The following PRELID2 variants were observed in gnomAD, a reference collection of about 807,000 sequenced individuals.
The protein encoded by PRELID2 is PRELI domain containing 2.
Under a neutral mutation model 28.4 loss-of-function variants are expected in PRELID2, and 25 were observed. That is an observed-to-expected ratio of 0.88 (90% CI 0.64 to 1.23). PRELID2 has a LOEUF of 1.23. PRELID2 is among the 50% of genes most tolerant of loss of function. The pLI, the probability that PRELID2 is intolerant of heterozygous loss-of-function variation, is 0.00. For missense variants in PRELID2, 201 were observed against 214.4 expected (o/e 0.94, Z 0.39); for synonymous variants, 76 against 71.6 (o/e 1.06, Z -0.31).
At position 145,607,645 on chromosome 5, in the gene PRELID2, G is replaced by C. The variant is rs550922563; in HGVS notation, n.71-134330C>G. ...TTTGGGGTTTTTTGATTTTGCTGAG[G>C]GTTGTTTTATGGCTGATTGTGTGAT... On this transcript the variant is annotated intron_variant and non_coding_transcript_variant, in intron 1 of 2. Coordinates refer to the PRELID2 transcript ENST00000510259. Among the ~76,000 whole-genome samples, 4 of 152,104 alleles carry C rather than the reference G, an allele frequency of 2.6e-5. No individual in the cohort carries two copies. The South Asian group carries it at 6.2e-4, about 24-fold the overall frequency.
intron 1 of PRELID2, among the ~76,000 whole-genome samples, chr5:145,552,183 C>T (rs928110315): frequency 5.9e-5 from 9 of 152,178 alleles, no homozygotes; most frequent in African/African-American, 1.9e-4. Context: ...CTCCGGATCA[C>T]ACATTTTCCC....
chr5:145,817,801 G>A (rs1027668234), intron 4 of PRELID2, 93 bp downstream of exon 4: 3 of 1,025,750 alleles, frequency 2.9e-6, no homozygotes, highest in Non-Finnish European at 4.0e-6. Context: ...TATAAACAGT[G>A]GTCATAAGTA....
intron 1 of PRELID2, among the ~76,000 whole-genome samples, chr5:145,740,885 C>T (rs150759298): frequency 0.84 from 74,329 of 88,140 alleles, 32,251 homozygotes; most frequent in East Asian, 0.97. Context: ...TATATATGTA[C>T]ATATATTTAT....
the PRELID2 span, among the ~76,000 whole-genome samples, chr5:145,415,265 T>G: frequency 3.3e-5 from 5 of 152,058 alleles, no homozygotes; most frequent in Admixed American, 1.3e-4. Context: ...GTTTTTTATT[T>G]TATTTTCTTT....
intron 1 of PRELID2, among the ~76,000 whole-genome samples, chr5:145,690,869 A>G (rs548968159): frequency 1.3e-5 from 2 of 152,316 alleles, no homozygotes; most frequent in Non-Finnish European, 2.9e-5. Context: ...CGCAATAGGA[A>G]ATAACAATAT....
chr5:145,670,691 T>A (rs1754688203), intron 1 of PRELID2, among the ~76,000 whole-genome samples: 1 of 152,146 alleles, frequency 6.6e-6, no homozygotes, highest in African/African-American at 2.4e-5. Flanking sequence ...ATTCACATCT[T>A]GACCCCAACC....
chr5:145,327,132 A>G, the PRELID2 span, among the ~76,000 whole-genome samples: 1 of 152,224 alleles, frequency 6.6e-6, no homozygotes, highest in African/African-American at 2.4e-5. Context: ...CTTCAGGTCT[A>G]TTTGGTCTAT....
the PRELID2 span, among the ~76,000 whole-genome samples, chr5:145,414,848 T>C: frequency 6.6e-6 from 1 of 152,186 alleles, no homozygotes; most frequent in Non-Finnish European, 1.5e-5. Context: ...ATGATTTCAT[T>C]TGAATATGTC....
the PRELID2 span, among the ~76,000 whole-genome samples, chr5:145,411,746 C>G: frequency 6.6e-6 from 1 of 152,208 alleles, no homozygotes; most frequent in African/African-American, 2.4e-5. Context: ...CTGTAGTGCA[C>G]TAGAGGAGGT....
intron 1 of PRELID2, among the ~76,000 whole-genome samples, chr5:145,699,642 G>C (rs574593478): frequency 6.6e-6 from 1 of 152,122 alleles, no homozygotes; most frequent in East Asian, 1.9e-4. Flanking sequence ...ATTTTTAAAA[G>C]AAACTGATTT....
the PRELID2 span, among the ~76,000 whole-genome samples, chr5:145,332,666 TC>T: frequency 6.6e-6 from 1 of 152,056 alleles, no homozygotes; most frequent in Non-Finnish European, 1.5e-5. Flanking sequence ...TAGCAATTCT[TC>T]TAACCTTTTT....
At chr5:145,594,235 G>C (rs1753270996) in intron 1 of PRELID2, among the ~76,000 whole-genome samples, 1 of 151,994 alleles carries the variant, frequency 6.6e-6, no homozygotes, top group Non-Finnish European at 1.5e-5. Flanking sequence ...CAAAACATTT[G>C]TGTAATAGAA....
At chr5:145,501,359 G>A (rs980177560) in intron 1 of PRELID2, among the ~76,000 whole-genome samples, 1 of 152,096 alleles carries the variant, frequency 6.6e-6, no homozygotes, top group Non-Finnish European at 1.5e-5. Flanking sequence ...AACTTTTACT[G>A]TGTATCAAAA....
chr5:145,354,362 A>AT, the PRELID2 span, among the ~76,000 whole-genome samples: 1 of 152,048 alleles, frequency 6.6e-6, no homozygotes, highest in Non-Finnish European at 1.5e-5. Flanking sequence ...GTGGTGTACG[A>AT]TTTTTTTATT....
chr5:145,704,984 C>T (rs1755506390), intron 1 of PRELID2, among the ~76,000 whole-genome samples: 1 of 152,090 alleles, frequency 6.6e-6, no homozygotes, highest in South Asian at 2.1e-4. Flanking sequence ...AGGGCAAATC[C>T]CCTATTTTTA....
the PRELID2 span, among the ~76,000 whole-genome samples, chr5:145,230,982 C>A: frequency 6.6e-6 from 1 of 152,158 alleles, no homozygotes; most frequent in Non-Finnish European, 1.5e-5. Flanking sequence ...GCCTTATATA[C>A]CCTTATGTCA....
the PRELID2 span, among the ~76,000 whole-genome samples, chr5:145,422,432 A>G: frequency 4.6e-5 from 7 of 152,156 alleles, no homozygotes; most frequent in Non-Finnish European, 1.0e-4. Context: ...TTGGGTGCAT[A>G]TATTTTTAGG....
the PRELID2 span, among the ~76,000 whole-genome samples, chr5:145,300,199 G>A: frequency 2.0e-5 from 3 of 151,958 alleles, no homozygotes; most frequent in Admixed American, 2.0e-4. Context: ...AAATAAACTG[G>A]TGATGCTTGA....
At chr5:145,274,956 C>G in the PRELID2 span, among the ~76,000 whole-genome samples, 2 of 152,074 alleles carry the variant, frequency 1.3e-5, no homozygotes, top group African/African-American at 2.4e-5. Flanking sequence ...CTCACTTTGG[C>G]TTTTGGATGG....
Sources: gnomAD v4.1 joint callset for allele counts (sites outside exome capture counted in the v4.1 genomes callset) on GRCh38, gnomAD v4.1.1 for gene constraint, MANE v1.5 for transcripts, NCBI Gene and HGNC (gene_info 2026-07-23, HGNC 2026-07-21) for gene names.